The following ANK2 variants were observed in gnomAD, a reference collection of about 807,000 sequenced individuals.
ANK2 encodes ankyrin 2.
In ANK2, 83 loss-of-function variants were observed where a neutral mutation model predicts 360.5. The observed-to-expected ratio is 0.23, with a 90% CI of 0.19 to 0.28. The LOEUF (loss-of-function observed/expected upper bound fraction) is 0.28. Ranked by LOEUF, ANK2 falls within the 10% of genes least tolerant of loss-of-function variation. The pLI, the probability that ANK2 is intolerant of heterozygous loss-of-function variation, is 1.00. For synonymous variants in ANK2, 1,740 were observed against 1,759.5 expected, an observed-to-expected ratio of 0.99 and a Z score of 0.28; for missense variants, 4,201 against 4,795.7, an observed-to-expected ratio of 0.88 and a Z score of 3.66.
At chr4:113,260,773 C>T (rs2052395612) in intron 13 of ANK2, among the ~76,000 whole-genome samples, 2 of 152,162 alleles carry the variant, frequency 1.3e-5, no homozygotes. Context: ...CAGTGGGATG[C>T]CTGTGAAGTT....
At chr4:112,710,234 T>C in the ANK2 span, among the ~76,000 whole-genome samples, 24 of 152,316 alleles carry the variant, frequency 1.6e-4, no homozygotes, top group Admixed American at 3.3e-4. Context: ...GCAATCACTG[T>C]TACTTACTAT....
At chr4:112,788,812 C>T in the ANK2 span, 35 of 1,138,862 alleles carry the variant, frequency 3.1e-5, 1 homozygote, top group South Asian at 4.2e-4. Flanking sequence ...TTCTTAGCCT[C>T]CTGCTTCTTC....
chr4:113,237,282 A>G (rs751140478), intron 6 of ANK2, 110 bp downstream of exon 6: 167 of 1,274,166 alleles, frequency 1.3e-4, no homozygotes, highest in Non-Finnish European at 1.8e-4. Flanking sequence ...ATTTCTGGTC[A>G]TAAAAAGAGA....
Position 113,288,260 on chromosome 4 carries a change from A to T in ANK2, c.2179-128A>T, listed in dbSNP as rs2065720744. The stretch of plus-strand genomic sequence containing the variant: ...GGGCACATATATAATCTGCTAAATA[A>T]TATCTTTAGTCAAATGGAATCCTAT... On this transcript the variant is annotated intron_variant, in intron 19 of 45. Transcript: ENST00000357077. 1.4e-5 allele frequency: 11 copies of T among 809,112 alleles called. 1 individual carries two copies. In the South Asian group the frequency reaches 1.6e-4, roughly 12 times the overall value. The allele number at this position is 809,112 out of a possible 1,614,324, so 50.1% of individuals were successfully genotyped here. A position where few individuals can be genotyped will look rare whatever the true frequency, so the allele number is the denominator to read the frequency against.
chr4:113,159,135 A>G (rs2097413461), intron 1 of ANK2, among the ~76,000 whole-genome samples: 1 of 149,894 alleles, frequency 6.7e-6, no homozygotes, highest in South Asian at 2.1e-4. Flanking sequence ...AGTAAATTGA[A>G]ATTTTGTTCT....
At chr4:113,256,696 A>G (rs999521716) in intron 11 of ANK2, among the ~76,000 whole-genome samples, 4 of 152,176 alleles carry the variant, frequency 2.6e-5, no homozygotes, top group Admixed American at 1.3e-4. Context: ...ATGTGTTTAC[A>G]TGGTTTGTGT....
At chr4:113,310,554 C>G (rs1010213358) in intron 23 of ANK2, among the ~76,000 whole-genome samples, 11 of 151,902 alleles carry the variant, frequency 7.2e-5, no homozygotes, top group African/African-American at 2.7e-4. Flanking sequence ...GTAGCTGGGA[C>G]TACAGGCATG....
At chr4:112,797,052 C>T in the ANK2 span, 2 of 200,374 alleles carry the variant, frequency 1.0e-5, no homozygotes, top group Non-Finnish European at 2.2e-5. Context: ...CTTCACTTGT[C>T]ATCTACTGTT....
intron 2 of ANK2, among the ~76,000 whole-genome samples, chr4:112,933,299 A>G (rs113363497): frequency 0.02 from 3,022 of 152,290 alleles, 100 homozygotes; most frequent in African/African-American, 0.068. Flanking sequence ...TCACTTTACA[A>G]GTCTCCCTCT....
chr4:113,244,381 T>C (rs1012035998), intron 9 of ANK2, among the ~76,000 whole-genome samples: 3 of 152,150 alleles, frequency 2.0e-5, no homozygotes, highest in African/African-American at 7.2e-5. Flanking sequence ...AAAAGTTTAA[T>C]AATAGGTTCT....
At chr4:113,227,374 C>G (rs776728091) in intron 4 of ANK2, among the ~76,000 whole-genome samples, 22 of 152,100 alleles carry the variant, frequency 1.4e-4, no homozygotes, top group Non-Finnish European at 3.1e-4. Context: ...CTCCTAGCAC[C>G]CCAAGCCAAG....
chr4:113,091,230 C>T (rs1168468688), intron 1 of ANK2, among the ~76,000 whole-genome samples: 1 of 152,166 alleles, frequency 6.6e-6, no homozygotes, highest in African/African-American at 2.4e-5. Flanking sequence ...ATATTGATAT[C>T]AAGGCCAACA....
intron 1 of ANK2, among the ~76,000 whole-genome samples, chr4:113,114,519 G>A (rs940638888): frequency 6.6e-6 from 1 of 151,826 alleles, no homozygotes; most frequent in Non-Finnish European, 1.5e-5. Context: ...TTTATAGAAA[G>A]TAAAAGAGTC....
chr4:112,921,087 T>G (rs1008806966), intron 2 of ANK2, among the ~76,000 whole-genome samples: 1 of 151,064 alleles, frequency 6.6e-6, no homozygotes, highest in Non-Finnish European at 1.5e-5. Context: ...GGTTTCGCTG[T>G]ATTGCCCAGG....
intron 14 of ANK2, 134 bp downstream of exon 14, chr4:113,265,129 TTTCC>T: frequency 1.2e-6 from 1 of 865,146 alleles, no homozygotes; most frequent in Admixed American, 2.4e-5. Flanking sequence ...CAATAGCAGT[TTTCC>T]AGAAAAAAAA....
chr4:113,249,166 AT>A (rs2044663659), intron 9 of ANK2, among the ~76,000 whole-genome samples: 1 of 152,226 alleles, frequency 6.6e-6, no homozygotes, highest in Admixed American at 6.5e-5. Context: ...CAATTATGTG[AT>A]TTCTAAAATG....
chr4:113,247,412 T>C (rs1340481211), intron 9 of ANK2, among the ~76,000 whole-genome samples: 1 of 152,172 alleles, frequency 6.6e-6, no homozygotes, highest in Non-Finnish European at 1.5e-5. Flanking sequence ...ACAGACACCT[T>C]GCATCATTAA....
chr4:113,369,952 C>T, intron 43 of ANK2, 147 bp downstream of exon 43: 1 of 934,098 alleles, frequency 1.1e-6, no homozygotes, highest in East Asian at 2.6e-5. Context: ...CCCTCAATCC[C>T]TTTTAAAATC....
At chr4:113,255,280 T>G (rs2048676424) in intron 10 of ANK2, among the ~76,000 whole-genome samples, 1 of 152,194 alleles carries the variant, frequency 6.6e-6, no homozygotes. Context: ...TAAAAGATGG[T>G]CAAAGTTTCC....
Sources: gnomAD v4.1 joint callset for allele counts (sites outside exome capture counted in the v4.1 genomes callset) on GRCh38, gnomAD v4.1.1 for gene constraint, MANE v1.5 for transcripts, NCBI Gene and HGNC (gene_info 2026-07-23, HGNC 2026-07-21) for gene names.